HEATR4: variants seen among roughly 807,000 people sequenced by gnomAD.
HEATR4 encodes the protein HEAT repeat-containing protein 4.
HEATR4 carries 95 observed loss-of-function variants against 108.8 expected under a neutral mutation model. That is an observed-to-expected ratio of 0.87 (90% CI 0.74 to 1.04). HEATR4 has a LOEUF of 1.04. Among genes scored for constraint, HEATR4 ranks in the 50% least tolerant of loss-of-function variants. The pLI is 0.00. For missense variants in HEATR4, 1,152 were observed against 1,253.8 expected, an observed-to-expected ratio of 0.92 and a Z score of 1.23; for synonymous variants, 443 against 459.4, an observed-to-expected ratio of 0.96 and a Z score of 0.46.
chr14:73,596,501 GAAA>G, the HEATR4 span: 19 of 150,010 alleles, frequency 1.3e-4, no homozygotes, highest in East Asian at 3.7e-3. Flanking sequence ...CGTTTCAAAA[GAAA>G]AAAAAAGAAT....
chr14:73,612,423 C>T, the HEATR4 span: 1 of 480,774 alleles, frequency 2.1e-6, no homozygotes, highest in Non-Finnish European at 3.4e-6. Context: ...AGGCGCCCCA[C>T]GCAGCGGCCT....
chr14:73,547,555 A>C (rs1445625899), intron 1 of HEATR4, among the ~76,000 whole-genome samples: 1 of 114,614 alleles, frequency 8.7e-6, no homozygotes, highest in Non-Finnish European at 1.9e-5. Flanking sequence ...CCAATACCCA[A>C]GTCCAATCGG....
the HEATR4 span, among the ~76,000 whole-genome samples, chr14:73,594,863 G>T: frequency 6.6e-6 from 1 of 152,088 alleles, no homozygotes; most frequent in East Asian, 1.9e-4. Context: ...ACCACACTCG[G>T]CTAATTTTTT....
chr14:73,594,334 T>A, the HEATR4 span, among the ~76,000 whole-genome samples: 1 of 152,194 alleles, frequency 6.6e-6, no homozygotes, highest in Non-Finnish European at 1.5e-5. Context: ...GATGAATGAT[T>A]CACATCTTGA....
the HEATR4 span, among the ~76,000 whole-genome samples, chr14:73,578,580 C>A: frequency 6.6e-6 from 1 of 152,050 alleles, no homozygotes; most frequent in African/African-American, 2.4e-5. Flanking sequence ...TATTTTCAAC[C>A]CATGCAAGCT....
At chr14:73,592,250 C>G in the HEATR4 span, 2 of 1,613,330 alleles carry the variant, frequency 1.2e-6, no homozygotes, top group South Asian at 1.1e-5. Flanking sequence ...TGAAGCGGGA[C>G]GTACAGATTC....
chr14:73,584,885 C>T, the HEATR4 span, among the ~76,000 whole-genome samples: 2 of 151,482 alleles, frequency 1.3e-5, no homozygotes, highest in Non-Finnish European at 3.0e-5. Flanking sequence ...GTGCATCCCA[C>T]AGCTATTCTA....
the HEATR4 span, among the ~76,000 whole-genome samples, chr14:73,625,395 CT>C: frequency 6.6e-6 from 1 of 151,310 alleles, no homozygotes; most frequent in Non-Finnish European, 1.5e-5. Flanking sequence ...GAGTTTCACT[CT>C]TGTTGCCCAG....
chr14:73,591,742 A>C, the HEATR4 span: 2 of 429,746 alleles, frequency 4.7e-6, no homozygotes, highest in Non-Finnish European at 7.9e-6. Context: ...GGGCCCAAGG[A>C]GACGACCCTG....
In HEATR4 at chr14:73,535,044, T is replaced by A. The variant is rs1247974406; in HGVS notation, c.-151-4800A>T. Among the ~76,000 whole-genome samples the A allele has an allele frequency of 6.1e-5, 7 of 114,648 alleles. 2 individuals carry two copies. Among genetic ancestry groups the A allele is most frequent in the African/African-American group, 2.0e-4 (7 of 35,256 alleles). The allele number at this position is 114,648 out of a possible 152,430, so 75.2% of individuals were successfully genotyped here. On this transcript the variant is annotated intron_variant, in intron 1 of 17. Transcript: ENST00000553558. ...CTCTAACCTGCTTTTTTTCATCAGT[T>A]TCATGGAAGAATGCTCATCATATAT...
chr14:73,505,692 C>T lies in HEATR4; in HGVS notation c.1986+775G>A, dbSNP rs929567912. On this transcript the variant is annotated intron_variant, in intron 10 of 17. Coordinates refer to ENST00000553558, the MANE Select transcript of HEATR4 (RefSeq NM_001220484.1). ...ACAGGTGTGAGCCACCGTGCCCGGCCGGGACTATGTTTTATATGTGTGTGC... is the reference window on the plus strand; with the variant it reads ...ACAGGTGTGAGCCACCGTGCCCGGCTGGGACTATGTTTTATATGTGTGTGC... Among the ~76,000 whole-genome samples, 7 of 151,888 alleles carry T rather than the reference C, an allele frequency of 4.6e-5. No homozygotes were observed. In the East Asian group the frequency reaches 5.8e-4, roughly 13 times the overall value.
chr14:73,590,132 T>C, the HEATR4 span, among the ~76,000 whole-genome samples: 3 of 152,200 alleles, frequency 2.0e-5, no homozygotes, highest in Non-Finnish European at 4.4e-5. Context: ...GGCAGCCTGC[T>C]TTTATTCCCT....
intron 9 of HEATR4, 111 bp downstream of exon 9, chr14:73,508,023 G>T: frequency 2.0e-6 from 2 of 1,019,338 alleles, no homozygotes; most frequent in Non-Finnish European, 1.5e-6. Context: ...TGGGATTACA[G>T]GCATAAGCCA....
the HEATR4 span, among the ~76,000 whole-genome samples, chr14:73,565,388 C>CTTT: frequency 3.6e-5 from 5 of 139,752 alleles, no homozygotes; most frequent in Non-Finnish European, 4.7e-5. Flanking sequence ...TTTTCTTTTC[C>CTTT]TTTTTTTTTT....
chr14:73,571,596 G>A, the HEATR4 span: 1 of 151,200 alleles, frequency 6.6e-6, no homozygotes, highest in Non-Finnish European at 1.5e-5. Context: ...AGTGTCACAT[G>A]CAGCTCCCTG....
upstream of HEATR4, among the ~76,000 whole-genome samples, chr14:73,561,379 GA>G (rs779545399): frequency 2.0e-5 from 3 of 147,612 alleles, no homozygotes; most frequent in African/African-American, 5.0e-5. Context: ...AAAAAAGAAA[GA>G]AAAAAAAAGA....
chr14:73,494,143 A>C (rs1885960722), intron 16 of HEATR4, among the ~76,000 whole-genome samples: 1 of 152,156 alleles, frequency 6.6e-6, no homozygotes, highest in South Asian at 2.1e-4. Flanking sequence ...TCTCATTTTT[A>C]TTCTGGCAGT....
At position 73,478,558 on chromosome 14, in the gene HEATR4, G is replaced by T; in HGVS notation, c.*48C>A. The T allele has an allele frequency of 8.0e-7, 1 of 1,251,802 alleles. No individual in the cohort carries two copies. Among genetic ancestry groups the T allele is most frequent in the Non-Finnish European group, 1.2e-6 (1 of 859,924 alleles). 77.5% of individuals were successfully genotyped at this position (1,251,802 alleles called of 1,614,324 possible). On this transcript the variant is annotated 3_prime_UTR_variant, in exon 18 of 18. Coordinates refer to ENST00000553558, the MANE Select transcript of HEATR4 (RefSeq NM_001220484.1). ...AGTATCAATTAAAAAGACCCAATGT[G>T]ACCAGGTCCACTGCTTCCTGCATCT...
At position 73,529,379 on chromosome 14, in the gene HEATR4, T is replaced by A. The variant is rs746310832; in HGVS notation, c.-73+787A>T. ...CAAAAAAAAAAAAAAAAAAAAAAAT[T>A]AAGTCAATCCTGGCATAACTGCAGA... On this transcript the variant is annotated intron_variant, in intron 2 of 17. Coordinates refer to ENST00000553558, the MANE Select transcript of HEATR4 (RefSeq NM_001220484.1). Among the ~76,000 whole-genome samples, 40 of 116,818 alleles carry A rather than the reference T, an allele frequency of 3.4e-4. 1 individual carries two copies. The highest frequency in any genetic ancestry group is 9.7e-4 in the Admixed American group (10 of 10,304). The allele number at this position is 116,818 out of a possible 152,430, so 76.6% of individuals were successfully genotyped here.
Sources: gnomAD v4.1 joint callset for allele counts (sites outside exome capture counted in the v4.1 genomes callset) on GRCh38, gnomAD v4.1.1 for gene constraint, MANE v1.5 for transcripts, NCBI Gene and HGNC (gene_info 2026-07-23, HGNC 2026-07-21) for gene names.